Variants in ACCSL observed in about 807,000 individuals in gnomAD.
The protein encoded by ACCSL is 1-aminocyclopropane-1-carboxylate synthase homolog (inactive) like.
A neutral mutation model predicts 61.7 loss-of-function variants in ACCSL; 55 were observed. The ratio of observed to expected loss-of-function variants is 0.89; its 90% CI spans 0.72 to 1.12. The LOEUF is 1.12. ACCSL is among the 50% of genes most tolerant of loss of function. ACCSL has a pLI of 0.00. For synonymous variants in ACCSL, 258 were observed against 264.3 expected (o/e 0.98, Z 0.23); for missense variants, 632 against 698.0 (o/e 0.91, Z 1.07).
At position 44,050,081 on chromosome 11, in the gene ACCSL, C is replaced by T. The variant is rs1285516727; in HGVS notation, c.524C>T (p.Thr175Ile). ...KNTLGFINLGTSENKLCMDLM... is the reference protein window; with the variant it reads ...KNTLGFINLGISENKLCMDLM... ...CTCCAGGGTTTCATTAACCTTGGCACCAGTGAGAACAAGCTCTGCATGGAT... is the reference window on the plus strand; with the variant it reads ...CTCCAGGGTTTCATTAACCTTGGCATCAGTGAGAACAAGCTCTGCATGGAT... The change falls in exon 2 of 14, where the codon ACC (threonine) becomes ATC (isoleucine). Residue 175 changes from threonine (T) to isoleucine (I), a missense_variant. Transcript: ENST00000378832. 1.2e-6 allele frequency: 2 copies of T among 1,614,132 alleles called. No individual in the cohort carries two copies. Among genetic ancestry groups the T allele is most frequent in the East Asian group, 2.2e-5 (1 of 44,876 alleles).
chr11:44,047,888 G>T, upstream of ACCSL: 1 of 1,031,632 alleles, frequency 9.7e-7, no homozygotes, highest in South Asian at 1.6e-5. Flanking sequence ...CCAAGGCATG[G>T]AAGTGAGAAG....
At chr11:44,054,147 G>A (rs774961071) in intron 8 of ACCSL, among the ~76,000 whole-genome samples, 1 of 152,340 alleles carries the variant, frequency 6.6e-6, no homozygotes, top group Non-Finnish European at 1.5e-5. Flanking sequence ...TTGGGCTGGA[G>A]TGCCGAGGAA....
the ACCSL span, among the ~76,000 whole-genome samples, chr11:44,000,564 A>G: frequency 7.4e-6 from 1 of 135,886 alleles, no homozygotes; most frequent in Admixed American, 7.4e-5. Context: ...TTGTAAAACA[A>G]ACAAATAAAT....
intron 8 of ACCSL, 107 bp downstream of exon 8, chr11:44,053,613 A>C: frequency 9.5e-7 from 1 of 1,052,488 alleles, no homozygotes; most frequent in Non-Finnish European, 1.4e-6. Flanking sequence ...CTGTAATCCC[A>C]GCACTTTGGG....
chr11:44,021,091 T>C, the ACCSL span, among the ~76,000 whole-genome samples: 1,363 of 152,260 alleles, frequency 9.0e-3, 30 homozygotes, highest in East Asian at 0.066. Context: ...GCTATAAACA[T>C]GTGTGTGCAA....
At chr11:44,037,863 C>CCATACGTG in the ACCSL span, among the ~76,000 whole-genome samples, 1 of 145,810 alleles carries the variant, frequency 6.9e-6, no homozygotes, top group African/African-American at 2.5e-5. Context: ...TGGTATTCAT[C>CCATACGTG]CATCCATGCA....
the ACCSL span, among the ~76,000 whole-genome samples, chr11:44,007,603 C>A: frequency 6.6e-6 from 1 of 152,120 alleles, no homozygotes; most frequent in African/African-American, 2.4e-5. Context: ...GCAAAGGCAC[C>A]TAAGTATAGC....
the ACCSL span, among the ~76,000 whole-genome samples, chr11:43,964,850 A>G: frequency 0.4 from 60,366 of 151,700 alleles, 12,966 homozygotes; most frequent in East Asian, 0.6. Flanking sequence ...AAACACAGGA[A>G]CTTCTTAATT....
the ACCSL span, among the ~76,000 whole-genome samples, chr11:43,979,381 G>C: frequency 6.6e-6 from 1 of 152,040 alleles, no homozygotes; most frequent in East Asian, 1.9e-4. Flanking sequence ...TTACATCAAA[G>C]CTTGATGAGC....
At chr11:44,053,272 G>T in intron 7 of ACCSL, 134 bp from the exon 8 acceptor site, 1 of 891,594 alleles carries the variant, frequency 1.1e-6, no homozygotes. Context: ...CCCCTCTTTG[G>T]GCAGTATAGT....
chr11:43,986,820 G>T, the ACCSL span, among the ~76,000 whole-genome samples: 4 of 152,190 alleles, frequency 2.6e-5, no homozygotes, highest in African/African-American at 9.7e-5. Flanking sequence ...CAGGGAGCTT[G>T]TCTACAGGGT....
chr11:44,004,088 T>G, the ACCSL span, among the ~76,000 whole-genome samples: 2 of 151,948 alleles, frequency 1.3e-5, no homozygotes, highest in Non-Finnish European at 2.9e-5. Context: ...CCTAGCAACC[T>G]GCAGCCTCTT....
At chr11:43,961,675 CTTCT>C in the ACCSL span, among the ~76,000 whole-genome samples, 1 of 151,426 alleles carries the variant, frequency 6.6e-6, no homozygotes, top group Non-Finnish European at 1.5e-5. Context: ...AAGAAGGAAA[CTTCT>C]TTCTTTGGTC....
rs995970907 is a variant in ACCSL, at chr11:44,056,284, G to A, written c.1285G>A (p.Gly429Ser). The change falls in exon 11 of 14, where the codon GGC becomes AGC. Residue 429 changes from glycine to serine, a missense_variant. Coordinates refer to ENST00000378832, the MANE Select transcript of ACCSL (RefSeq NM_001031854.2). ...SAFGYLHSIS[G>S]ITQHKLCQLL... ...CTTTGGCTACCTCCACAGTATTTCT[G>A]GCATCACCCAGCACAAGCTGTGTCA... is the stretch of plus-strand genomic sequence containing the variant. The A allele has an allele frequency of 8.7e-6, 14 of 1,614,140 alleles. No individual in the cohort carries two copies. The East Asian group carries it at 3.1e-4, about 36-fold the overall frequency.
the ACCSL span, chr11:43,994,998 C>T: frequency 6.6e-6 from 1 of 152,098 alleles, no homozygotes; most frequent in Non-Finnish European, 1.5e-5. Flanking sequence ...TTTAGGCCAA[C>T]CTTTACACTC....
chr11:43,951,555 T>C, the ACCSL span, among the ~76,000 whole-genome samples: 1 of 149,510 alleles, frequency 6.7e-6, no homozygotes, highest in Non-Finnish European at 1.5e-5. Flanking sequence ...TTTTAAGTAT[T>C]TGAGGGAATT....
the ACCSL span, among the ~76,000 whole-genome samples, chr11:44,029,240 G>A: frequency 3.3e-5 from 5 of 152,354 alleles, no homozygotes; most frequent in South Asian, 6.2e-4. Flanking sequence ...GGTCCCTCCT[G>A]TTCTGTCTCT....
At chr11:43,966,741 AT>A in the ACCSL span, among the ~76,000 whole-genome samples, 2 of 151,156 alleles carry the variant, frequency 1.3e-5, no homozygotes, top group African/African-American at 4.9e-5. Flanking sequence ...GAGTGACTTG[AT>A]TTTTTTTTCT....
the ACCSL span, among the ~76,000 whole-genome samples, chr11:43,959,286 C>T: frequency 1.3e-5 from 2 of 152,018 alleles, no homozygotes; most frequent in African/African-American, 2.4e-5. Context: ...AAAGACAGAA[C>T]AGGGCCATAT....
Sources: gnomAD v4.1 joint callset for allele counts (sites outside exome capture counted in the v4.1 genomes callset) on GRCh38, gnomAD v4.1.1 for gene constraint, MANE v1.5 for transcripts, NCBI Gene and HGNC (gene_info 2026-07-23, HGNC 2026-07-21) for gene names.